The following CFAP46 variants were observed in gnomAD, a reference collection of about 807,000 sequenced individuals.
CFAP46 encodes the protein cilia and flagella associated protein 46.
Under a neutral mutation model 325.7 loss-of-function variants are expected in CFAP46, and 245 were observed. The ratio of observed to expected loss-of-function variants is 0.75; its 90% CI spans 0.68 to 0.84. The LOEUF (loss-of-function observed/expected upper bound fraction) is 0.84, where lower values mean the gene tolerates loss of function less well. Among genes scored for constraint, CFAP46 ranks in the 40% least tolerant of loss-of-function variants. CFAP46 has a pLI of 0.00. For missense variants in CFAP46, 3,346 were observed against 3,543.0 expected, an observed-to-expected ratio of 0.94 and a Z score of 1.41; for synonymous variants, 1,523 against 1,495.9, an observed-to-expected ratio of 1.02 and a Z score of -0.42.
intron 50 of CFAP46, among the ~76,000 whole-genome samples, 157 bp from the exon 51 acceptor site, chr10:132,815,071 T>C (rs1262308792): frequency 6.6e-6 from 1 of 151,830 alleles, no homozygotes; most frequent in East Asian, 1.9e-4. Context: ...AAAGTTGACG[T>C]GGCAATAACT....
chr10:132,900,924 T>G (rs1849384140), intron 22 of CFAP46, among the ~76,000 whole-genome samples: 1 of 152,274 alleles, frequency 6.6e-6, no homozygotes, highest in Non-Finnish European at 1.5e-5. Flanking sequence ...TTTCAAGCTC[T>G]GCTATTAGGT....
At chr10:132,843,484 G>A (rs1262001533) in intron 44 of CFAP46, among the ~76,000 whole-genome samples, 16 of 147,694 alleles carry the variant, frequency 1.1e-4, no homozygotes, top group South Asian at 2.2e-4. Context: ...GCTGGTGGGC[G>A]TTCCCAGGGT....
At chr10:132,822,094 G>C (rs1393397675) in intron 50 of CFAP46, among the ~76,000 whole-genome samples, 1 of 142,716 alleles carries the variant, frequency 7.0e-6, no homozygotes, top group African/African-American at 2.6e-5. Context: ...GATGTGTGCT[G>C]TGTGAGTGCT....
intron 48 of CFAP46, among the ~76,000 whole-genome samples, chr10:132,834,391 C>T (rs1379989696): frequency 6.6e-6 from 1 of 152,174 alleles, no homozygotes; most frequent in East Asian, 1.9e-4. Flanking sequence ...CCGGGCGGTC[C>T]CTTGGAGGTG....
intron 44 of CFAP46, among the ~76,000 whole-genome samples, chr10:132,838,525 C>G (rs369022991): frequency 6.6e-6 from 1 of 152,388 alleles, no homozygotes; most frequent in Non-Finnish European, 1.5e-5. Context: ...GCTTTTCTGC[C>G]GGGCCTCTGG....
intron 48 of CFAP46, 110 bp from the exon 49 acceptor site, chr10:132,834,233 C>T: frequency 1.0e-6 from 1 of 984,488 alleles, no homozygotes; most frequent in Non-Finnish European, 1.5e-6. Flanking sequence ...CACCACGAAT[C>T]CCCACGCTCA....
At chr10:132,839,805 C>T (rs4880437) in intron 44 of CFAP46, among the ~76,000 whole-genome samples, 102,853 of 152,100 alleles carry the variant, frequency 0.68, 35,660 homozygotes, top group African/African-American at 0.82. Flanking sequence ...TCAATGATAT[C>T]GAATGATTTT....
At chr10:132,863,234 C>A (rs1350444263) in intron 35 of CFAP46, among the ~76,000 whole-genome samples, 1 of 152,104 alleles carries the variant, frequency 6.6e-6, no homozygotes, top group Non-Finnish European at 1.5e-5. Flanking sequence ...GCTCTCACCA[C>A]CTCCCACTGC....
Position 132,836,835 on chromosome 10 carries a change from A to G in CFAP46, c.6518T>C (p.Leu2173Pro). 2 of 1,613,738 alleles carry G rather than the reference A, an allele frequency of 1.2e-6. No homozygotes were observed. Among genetic ancestry groups the G allele is most frequent in the Non-Finnish European group, 1.7e-6 (2 of 1,179,922 alleles). Reference protein sequence around the residue: ...EMPPTFWILFLHLSGDRSRLY... With the variant: ...EMPPTFWILFPHLSGDRSRLY... ...GCTTTACCTGTCCCCTGAGAGGTGC[A>G]GAAAGAGGATCCAAAAGGTCGGAGG... The change falls in exon 45 of 58, where the codon CTG (leucine) becomes CCG (proline). Residue 2173 changes from leucine (L) to proline (P), a missense_variant. Leu to Pro is a moderately conservative substitution (Grantham distance 98, BLOSUM62 -3). Transcript: ENST00000368586.
chr10:132,831,703 G>T (rs577855874), intron 50 of CFAP46, among the ~76,000 whole-genome samples: 4 of 152,226 alleles, frequency 2.6e-5, no homozygotes, highest in Admixed American at 2.6e-4. Flanking sequence ...TTTTCTTTTA[G>T]TTGGGGGTGT....
chr10:132,835,494 G>A (rs563877157), intron 46 of CFAP46, 60 bp from the exon 47 acceptor site: 86 of 1,597,900 alleles, frequency 5.4e-5, no homozygotes, highest in African/African-American at 2.8e-4. Flanking sequence ...CAGCTGGACC[G>A]TGCATGGTGA....
At chr10:132,855,007 G>T (rs895660133) in intron 39 of CFAP46, among the ~76,000 whole-genome samples, 1 of 152,138 alleles carries the variant, frequency 6.6e-6, no homozygotes, top group African/African-American at 2.4e-5. Context: ...TGCTGTTGTT[G>T]GGTGAACGTT....
At chr10:132,841,354 TC>T (rs1166602671) in intron 44 of CFAP46, among the ~76,000 whole-genome samples, 1 of 152,224 alleles carries the variant, frequency 6.6e-6, no homozygotes, top group Admixed American at 6.5e-5. Flanking sequence ...GATCCTGAAT[TC>T]AGGGAATGGT....
rs1436911035 is a variant in CFAP46 at position 132,876,992 on chromosome 10, A to C, written c.4213-31T>G. The stretch of plus-strand genomic sequence containing the variant: ...AAGGCAAGAATACAGGATTTACCTG[A>C]AACGGTGGAGGTGAAACAGCAGACA... On this transcript the variant is annotated intron_variant, in intron 30 of 57. Coordinates refer to ENST00000368586, the MANE Select transcript of CFAP46 (RefSeq NM_001200049.3). The surrounding 1 kb of genome is among the most constrained non-coding windows in gnomAD (Gnocchi z 4.1). 2 of 1,543,578 alleles carry C rather than the reference A, an allele frequency of 1.3e-6. No individual in the cohort carries two copies. The highest frequency in any genetic ancestry group is 1.7e-6 in the Non-Finnish European group (2 of 1,142,980).
chr10:132,834,626 G>T, intron 48 of CFAP46, 28 bp downstream of exon 48: 1 of 1,610,698 alleles, frequency 6.2e-7, no homozygotes. Flanking sequence ...GCGTGGTGGG[G>T]TGCCAGCCTC....
At chr10:132,842,880 C>A (rs2135070496) in intron 44 of CFAP46, among the ~76,000 whole-genome samples, 1 of 152,298 alleles carries the variant, frequency 6.6e-6, no homozygotes, top group East Asian at 1.9e-4. Flanking sequence ...CCCATGATAA[C>A]CATAATCCAT....
intron 13 of CFAP46, 69 bp from the exon 14 acceptor site, chr10:132,920,251 A>C: frequency 6.9e-7 from 1 of 1,442,310 alleles, no homozygotes; most frequent in East Asian, 2.7e-5. Flanking sequence ...CCCATCAGTA[A>C]CCAATGCCCT....
rs938291846 is a variant in CFAP46 at position 132,916,545 on chromosome 10, C to T, written c.2120+4G>A. 1.3e-6 allele frequency: 2 copies of T among 1,546,842 alleles called. No homozygotes were observed. Among genetic ancestry groups the T allele is most frequent in the Non-Finnish European group, 1.7e-6 (2 of 1,145,188 alleles). ...TGCTCAAGGCCACTGTCGCCTCTGC[C>T]CACCTGTATGTGATCCACTCAGCAT... is the stretch of plus-strand genomic sequence containing the variant. On this transcript the variant is annotated splice_donor_region_variant and intron_variant, in intron 17 of 57. Transcript: ENST00000368586.
chr10:132,901,556 T>G (rs943629832), intron 22 of CFAP46, among the ~76,000 whole-genome samples: 16 of 152,360 alleles, frequency 1.1e-4, no homozygotes, highest in Non-Finnish European at 1.8e-4. Flanking sequence ...TCGGAATCGC[T>G]GCCTCTCAGC....
Sources: allele counts gnomAD v4.1 joint callset (sites outside exome capture counted in the v4.1 genomes callset), GRCh38; gene constraint gnomAD v4.1.1; non-coding constraint Gnocchi (gnomAD v3.1); transcripts MANE v1.5; gene names NCBI Gene and HGNC (gene_info 2026-07-23, HGNC 2026-07-21).